Variants in KSR2 observed in about 807,000 individuals in gnomAD.
The protein encoded by KSR2 is kinase suppressor of ras 2.
A neutral mutation model predicts 107.8 loss-of-function variants in KSR2; 25 were observed. The observed-to-expected ratio is 0.23, with a 90% confidence interval of 0.17 to 0.32. The LOEUF is 0.32. Ranked by LOEUF, KSR2 falls within the 10% of genes least tolerant of loss-of-function variation. The probability of loss-of-function intolerance (pLI) is 1.00; values close to 1 mark genes in which losing one functional copy is unlikely to be tolerated. For missense variants in KSR2, 887 were observed against 1,268.9 expected (o/e 0.70, Z 4.57); for synonymous variants, 480 against 507.0 (o/e 0.95, Z 0.71).
chr12:117,785,617 T>C (rs1280168452), intron 3 of KSR2, among the ~76,000 whole-genome samples: 1 of 151,960 alleles, frequency 6.6e-6, no homozygotes, highest in Non-Finnish European at 1.5e-5. Flanking sequence ...AAATGAAAAT[T>C]TTGGAATCGA....
At chr12:117,625,659 ATT>A (rs1448716596) in intron 5 of KSR2, among the ~76,000 whole-genome samples, 3 of 151,998 alleles carry the variant, frequency 2.0e-5, no homozygotes, top group Non-Finnish European at 4.4e-5. Flanking sequence ...TTGGTCTAAA[ATT>A]TTCTTTTTTT....
At chr12:117,829,315 A>G (rs2137107378) in intron 3 of KSR2, among the ~76,000 whole-genome samples, 1 of 152,168 alleles carries the variant, frequency 6.6e-6, no homozygotes, top group Non-Finnish European at 1.5e-5. Flanking sequence ...TTTATACCCA[A>G]CTCAAATATC....
At chr12:117,864,985 C>T (rs375270844) in intron 1 of KSR2, among the ~76,000 whole-genome samples, 4 of 152,130 alleles carry the variant, frequency 2.6e-5, no homozygotes, top group East Asian at 1.9e-4. Flanking sequence ...TGACCACCCC[C>T]GTCTGACCAT....
intron 3 of KSR2, among the ~76,000 whole-genome samples, chr12:117,832,646 T>A (rs1269988231): frequency 6.6e-6 from 1 of 152,210 alleles, no homozygotes; most frequent in Non-Finnish European, 1.5e-5. Flanking sequence ...CAGGATGGCA[T>A]CAGCATTCCA....
chr12:117,840,186 C>T (rs2137156283), intron 3 of KSR2, among the ~76,000 whole-genome samples: 1 of 152,100 alleles, frequency 6.6e-6, no homozygotes, highest in African/African-American at 2.4e-5. Flanking sequence ...CAGCGTCCGC[C>T]TCCAGGGTTC....
intron 4 of KSR2, among the ~76,000 whole-genome samples, chr12:117,746,570 A>G (rs1417019374): frequency 1.3e-5 from 2 of 152,236 alleles, no homozygotes; most frequent in African/African-American, 4.8e-5. Context: ...ATAAAAGTCA[A>G]ATTTGACAAA....
intron 4 of KSR2, among the ~76,000 whole-genome samples, chr12:117,700,003 G>T (rs1886236951): frequency 6.6e-6 from 1 of 151,466 alleles, no homozygotes; most frequent in African/African-American, 2.4e-5. Flanking sequence ...CTCCTGAGGA[G>T]GTGGGACTGC....
chr12:117,616,153 C>A (rs1207813205), intron 5 of KSR2, among the ~76,000 whole-genome samples: 2 of 99,646 alleles, frequency 2.0e-5, no homozygotes, highest in African/African-American at 3.9e-5. Context: ...AGAGTGAGAC[C>A]CTGTCTCGAA....
At position 117,568,512 on chromosome 12, in the gene KSR2, G is replaced by A. The variant is rs533497336; in HGVS notation, c.1326-9939C>T. Among the ~76,000 whole-genome samples, 30 of 152,004 alleles carry A rather than the reference G, an allele frequency of 2.0e-4. No individual in the cohort carries two copies. In the Middle Eastern group the frequency reaches 0.01, roughly 52 times the overall value. ...AAAGTCTGGGATCGTGAATCTGAGC[G>A]ATCAGTGGGTTTGAGTAACAGATCC... On this transcript the variant is annotated intron_variant, in intron 7 of 19. Coordinates refer to ENST00000339824, the MANE Select transcript of KSR2 (RefSeq NM_173598.6).
intron 14 of KSR2, among the ~76,000 whole-genome samples, chr12:117,507,771 C>A (rs767642493): frequency 6.6e-6 from 1 of 152,168 alleles, no homozygotes; most frequent in African/African-American, 2.4e-5. Flanking sequence ...AAACTCCAGC[C>A]TGCTGCTGAT....
intron 3 of KSR2, among the ~76,000 whole-genome samples, chr12:117,784,860 T>A (rs1354367653): frequency 6.6e-6 from 1 of 152,170 alleles, no homozygotes; most frequent in Non-Finnish European, 1.5e-5. Flanking sequence ...ACACTTGGAA[T>A]AAACCCTAAG....
intron 12 of KSR2, 56 bp from the exon 13 acceptor site, chr12:117,527,175 T>G (rs1372500081): frequency 5.6e-5 from 73 of 1,297,906 alleles, no homozygotes; most frequent in Non-Finnish European, 7.9e-5. Flanking sequence ...GTCTATATAT[T>G]GAGTTTAGCT....
chr12:117,892,787 C>CAAAAA (rs35897528), intron 1 of KSR2, among the ~76,000 whole-genome samples: 11 of 87,086 alleles, frequency 1.3e-4, no homozygotes, highest in Non-Finnish European at 2.2e-4. Context: ...GTGCTATGTG[C>CAAAAA]AAAAAAAAAA....
intron 19 of KSR2, 74 bp from the exon 20 acceptor site, chr12:117,467,279 A>G: frequency 1.6e-6 from 1 of 626,366 alleles, no homozygotes; most frequent in Non-Finnish European, 2.9e-6. Context: ...TGTGAATGAC[A>G]CCCTCTCAGT....
At chr12:117,787,566 G>A (rs1038540873) in intron 3 of KSR2, among the ~76,000 whole-genome samples, 2 of 152,116 alleles carry the variant, frequency 1.3e-5, no homozygotes, top group African/African-American at 4.8e-5. Flanking sequence ...CCAGGAGGCA[G>A]AAGTTGCAGT....
rs542293684 is a variant in KSR2 at position 117,676,825 on chromosome 12, T to G, written c.987-9167A>C. ...TATCTAACCAAAATGAGGGCCCATG[T>G]CTGCAAAAAAAGACCTTTGTAAGAA... On this transcript the variant is annotated intron_variant, in intron 4 of 19. Coordinates refer to ENST00000339824, the MANE Select transcript of KSR2 (RefSeq NM_173598.6). 4.6e-5 allele frequency among the ~76,000 whole-genome samples: 7 copies of G among 152,234 alleles called. 1 individual carries two copies. The highest frequency in any genetic ancestry group is 1.7e-4 in the African/African-American group (7 of 41,546).
intron 1 of KSR2, among the ~76,000 whole-genome samples, chr12:117,887,361 C>T (rs2137343845): frequency 6.6e-6 from 1 of 152,254 alleles, no homozygotes; most frequent in South Asian, 2.1e-4. Context: ...CTTGGCCTCC[C>T]AAGTGCTGGG....
chr12:117,679,588 C>T (rs140381766), intron 4 of KSR2, among the ~76,000 whole-genome samples: 67 of 152,298 alleles, frequency 4.4e-4, no homozygotes, highest in African/African-American at 1.4e-3. Context: ...TATAAGGGTA[C>T]GGGTGTCTCA....
At chr12:117,810,116 T>G (rs1342851583) in intron 3 of KSR2, among the ~76,000 whole-genome samples, 1 of 152,142 alleles carries the variant, frequency 6.6e-6, no homozygotes, top group Non-Finnish European at 1.5e-5. Flanking sequence ...TGCTAACCAA[T>G]GGAACCTAAC....
Sources: allele counts gnomAD v4.1 joint callset (sites outside exome capture counted in the v4.1 genomes callset), GRCh38; gene constraint gnomAD v4.1.1; transcripts MANE v1.5; gene names NCBI Gene and HGNC (gene_info 2026-07-23, HGNC 2026-07-21).